KIF16B: variants seen among roughly 807,000 people sequenced by gnomAD.
KIF16B encodes kinesin family member 16B.
In KIF16B, 98 loss-of-function variants were observed where a neutral mutation model predicts 156.3. That is an observed-to-expected ratio of 0.63 (90% CI 0.53 to 0.74). The LOEUF (loss-of-function observed/expected upper bound fraction) is 0.74, where lower values mean the gene tolerates loss of function less well. Among genes scored for constraint, KIF16B ranks in the 30% least tolerant of loss-of-function variants. The pLI is 0.00. For synonymous variants in KIF16B, 564 were observed against 583.7 expected (o/e 0.97, Z 0.49); for missense variants, 1,421 against 1,606.5 (o/e 0.88, Z 1.97).
intron 25 of KIF16B, among the ~76,000 whole-genome samples, chr20:16,297,265 G>C (rs1258071158): frequency 6.6e-6 from 1 of 152,166 alleles, no homozygotes; most frequent in African/African-American, 2.4e-5. Context: ...CTGTTTCTCA[G>C]GAGAACTCTA....
intron 12 of KIF16B, among the ~76,000 whole-genome samples, chr20:16,464,907 T>C (rs901852506): frequency 6.6e-6 from 1 of 152,080 alleles, no homozygotes; most frequent in Non-Finnish European, 1.5e-5. Flanking sequence ...CCAAGCTGAA[T>C]ATTTATCAGA....
intron 1 of KIF16B, among the ~76,000 whole-genome samples, chr20:16,547,631 C>T (rs1414804999): frequency 1.0e-5 from 1 of 96,008 alleles, no homozygotes; most frequent in Non-Finnish European, 2.1e-5. Context: ...GAGCATGCTG[C>T]TCAGACACAG....
intron 25 of KIF16B, among the ~76,000 whole-genome samples, chr20:16,289,685 C>T (rs1037941091): frequency 6.6e-6 from 1 of 151,954 alleles, no homozygotes; most frequent in Non-Finnish European, 1.5e-5. Flanking sequence ...ACTAAAAATA[C>T]AAAAAATTAG....
chr20:16,566,423 T>C (rs1283014740), intron 1 of KIF16B, among the ~76,000 whole-genome samples: 1 of 152,264 alleles, frequency 6.6e-6, no homozygotes, highest in Non-Finnish European at 1.5e-5. Flanking sequence ...TATTATTATT[T>C]CCCTACACTA....
chr20:16,316,462 T>C (rs1324946036), intron 24 of KIF16B, among the ~76,000 whole-genome samples: 2 of 152,122 alleles, frequency 1.3e-5, no homozygotes, highest in African/African-American at 2.4e-5. Context: ...TAGAAGATAT[T>C]AGAGTCACAT....
chr20:16,561,852 T>C (rs2147365978), intron 1 of KIF16B, among the ~76,000 whole-genome samples: 1 of 152,334 alleles, frequency 6.6e-6, no homozygotes, highest in South Asian at 2.1e-4. Flanking sequence ...ACCAGTACTC[T>C]TCAAAAATTA....
At chr20:16,513,437 T>C (rs1414979049) in intron 4 of KIF16B, among the ~76,000 whole-genome samples, 1 of 152,028 alleles carries the variant, frequency 6.6e-6, no homozygotes, top group Non-Finnish European at 1.5e-5. Context: ...GGCGGGTGGA[T>C]CACCTGAGGT....
Position 16,526,107 on chromosome 20 carries a change from G to A in KIF16B, c.216C>T (p.Tyr72=), listed in dbSNP as rs764340198. The A allele has an allele frequency of 1.3e-5, 20 of 1,587,820 alleles. No individual in the cohort carries two copies. Among genetic ancestry groups the A allele is most frequent in the South Asian group, 2.3e-5 (2 of 86,864 alleles). Residue 72 remains tyrosine, a synonymous_variant, in exon 3 of 26, where the codon TAC becomes TAT. Coordinates refer to ENST00000354981, the MANE Select transcript of KIF16B (RefSeq NM_024704.5). The part of the protein sequence containing the change: ...FYSADTKSPD[Y]VSQEMVFKTL... ...TATCATATACCATTTCTTGTGAAAC[G>A]TAATCTGGGCTTTTTGTATCAGCAG...
chr20:16,453,963 T>C (rs544811860), intron 12 of KIF16B, among the ~76,000 whole-genome samples: 1 of 152,274 alleles, frequency 6.6e-6, no homozygotes, highest in African/African-American at 2.4e-5. Flanking sequence ...ACAGATGACG[T>C]GCACACACAC....
chr20:16,287,719 G>A lies in KIF16B; in HGVS notation c.3796-14308C>T, dbSNP rs74840028. The stretch of plus-strand genomic sequence containing the variant: ...GGTATTAAGTAGTTTCAGTGATGAC[G>A]ATGACCCAGCCTGGCAGCAAGCTTC... On this transcript the variant is annotated intron_variant, in intron 25 of 25. Transcript: ENST00000354981. 6.0e-3 allele frequency among the ~76,000 whole-genome samples: 915 copies of A among 152,314 alleles called. 9 individuals carry two copies. Among genetic ancestry groups the A allele is most frequent in the African/African-American group, 0.019 (789 of 41,558 alleles).
At chr20:16,418,607 T>C (rs1428274317) in intron 15 of KIF16B, among the ~76,000 whole-genome samples, 1 of 152,158 alleles carries the variant, frequency 6.6e-6, no homozygotes, top group Admixed American at 6.6e-5. Context: ...GGAGTGGTTC[T>C]GGCCAATCTA....
In KIF16B at chr20:16,504,227, G is replaced by A. The variant is rs1408429797; in HGVS notation, c.1176+145C>T. 3.2e-5 allele frequency: 24 copies of A among 749,262 alleles called. No homozygotes were observed. The South Asian group carries it at 3.2e-4, about 10-fold the overall frequency. 46.4% of individuals were successfully genotyped at this position (749,262 alleles called of 1,614,324 possible). The stretch of plus-strand genomic sequence containing the variant: ...AGGCTGACAAGAGGTTGATGTAAAC[G>A]AGGGACTGGCTAACTCATTCAAAGC... On this transcript the variant is annotated intron_variant, in intron 10 of 25. Transcript: ENST00000354981.
chr20:16,432,822 ATAGATACG>A (rs914720442), intron 12 of KIF16B, among the ~76,000 whole-genome samples: 1 of 152,252 alleles, frequency 6.6e-6, no homozygotes, highest in Admixed American at 6.5e-5. Context: ...CAACCATTAA[ATAGATACG>A]CAGAGAAAAT....
At chr20:16,366,182 GGA>G (rs747022958) in intron 22 of KIF16B, among the ~76,000 whole-genome samples, 3 of 152,088 alleles carry the variant, frequency 2.0e-5, no homozygotes, top group Non-Finnish European at 2.9e-5. Context: ...GGAGCTTCAT[GGA>G]GAGAGAAGCT....
chr20:16,541,459 G>C (rs1484330532), intron 1 of KIF16B, among the ~76,000 whole-genome samples: 1 of 152,220 alleles, frequency 6.6e-6, no homozygotes, highest in Non-Finnish European at 1.5e-5. Context: ...CGGAAGTACG[G>C]ATGAGCCAAG....
At chr20:16,357,948 G>T (rs578199949) in intron 22 of KIF16B, among the ~76,000 whole-genome samples, 11 of 152,200 alleles carry the variant, frequency 7.2e-5, no homozygotes, top group Admixed American at 6.5e-4. Context: ...CCAGCACCCT[G>T]GGAGGCCAAG....
At chr20:16,273,448 G>A in intron 25 of KIF16B, 37 bp from the exon 26 acceptor site, 1 of 1,598,828 alleles carries the variant, frequency 6.3e-7, no homozygotes, top group East Asian at 2.2e-5. Context: ...ATGGTCAATT[G>A]GGAGGTCAAG....
chr20:16,518,208 C>T (rs1406226399), intron 3 of KIF16B, among the ~76,000 whole-genome samples: 4 of 152,146 alleles, frequency 2.6e-5, no homozygotes, highest in African/African-American at 7.2e-5. Flanking sequence ...GAAAAGCAGC[C>T]GGCACTGCCT....
intron 1 of KIF16B, among the ~76,000 whole-genome samples, chr20:16,563,264 A>T (rs2071132955): frequency 6.6e-6 from 1 of 152,164 alleles, no homozygotes; most frequent in Admixed American, 6.5e-5. Context: ...GCTTGGATGA[A>T]TGTGCGGGCT....
Sources: allele counts gnomAD v4.1 joint callset (sites outside exome capture counted in the v4.1 genomes callset), GRCh38; gene constraint gnomAD v4.1.1; transcripts MANE v1.5; gene names NCBI Gene and HGNC (gene_info 2026-07-23, HGNC 2026-07-21).